RALA: variants seen among roughly 807,000 people sequenced by gnomAD.
RALA encodes the protein RAS like proto-oncogene A.
A neutral mutation model predicts 24.0 loss-of-function variants in RALA; 5 were observed. The observed-to-expected ratio is 0.21, with a 90% CI of 0.11 to 0.44. The LOEUF is 0.44. Ranked by LOEUF, RALA falls within the 20% of genes least tolerant of loss-of-function variation. The pLI is 0.99. For synonymous variants in RALA, 77 were observed against 83.8 expected (o/e 0.92, Z 0.44); for missense variants, 95 against 241.2 (o/e 0.39, Z 4.01).
intron 1 of RALA, among the ~76,000 whole-genome samples, chr7:39,669,679 G>T (rs1337547560): frequency 6.6e-6 from 1 of 152,054 alleles, no homozygotes; most frequent in African/African-American, 2.4e-5. Flanking sequence ...AACCAGGCGT[G>T]CCTGTAGTCC....
chr7:39,669,225 A>C (rs1278356310), intron 1 of RALA, among the ~76,000 whole-genome samples: 1 of 152,138 alleles, frequency 6.6e-6, no homozygotes, highest in African/African-American at 2.4e-5. Flanking sequence ...CTCTTGCTCC[A>C]TCTCTGTACT....
At chr7:39,642,259 T>C (rs148135028) in intron 1 of RALA, among the ~76,000 whole-genome samples, 59 of 152,184 alleles carry the variant, frequency 3.9e-4, no homozygotes, top group African/African-American at 1.2e-3. Context: ...GAACAGTAAA[T>C]GTGTGGGTAA....
At chr7:39,651,259 C>T (rs901616514) in intron 1 of RALA, among the ~76,000 whole-genome samples, 7 of 152,178 alleles carry the variant, frequency 4.6e-5, no homozygotes, top group South Asian at 4.1e-4. Flanking sequence ...AATGCATTTT[C>T]GACTTATGAT....
chr7:39,666,901 A>G (rs772438196), intron 1 of RALA, among the ~76,000 whole-genome samples: 1 of 152,198 alleles, frequency 6.6e-6, no homozygotes, highest in Non-Finnish European at 1.5e-5. Flanking sequence ...TGATCAATAC[A>G]TCTTCTTATA....
At chr7:39,698,691 G>A (rs989521664) in intron 4 of RALA, among the ~76,000 whole-genome samples, 2 of 152,130 alleles carry the variant, frequency 1.3e-5, no homozygotes, top group African/African-American at 4.8e-5. Flanking sequence ...AAGGGGAGTG[G>A]GGAAGAGATG....
intron 1 of RALA, among the ~76,000 whole-genome samples, chr7:39,681,357 G>A (rs1224047683): frequency 9.5e-6 from 1 of 105,510 alleles, no homozygotes; most frequent in Non-Finnish European, 1.7e-5. Flanking sequence ...TTACTCTCTA[G>A]CCCAGGCTGG....
At chr7:39,689,750 G>A (rs1312139140) in intron 2 of RALA, among the ~76,000 whole-genome samples, 2 of 152,146 alleles carry the variant, frequency 1.3e-5, no homozygotes, top group Non-Finnish European at 2.9e-5. Context: ...GGCCTTGTCT[G>A]CGTACATATA....
intron 1 of RALA, among the ~76,000 whole-genome samples, chr7:39,631,260 G>A (rs533433877): frequency 1.3e-5 from 2 of 151,902 alleles, no homozygotes; most frequent in African/African-American, 4.8e-5. Context: ...CACCTGCCTC[G>A]GCCTTCCAAA....
At chr7:39,673,118 A>T (rs1282295370) in intron 1 of RALA, among the ~76,000 whole-genome samples, 1 of 152,016 alleles carries the variant, frequency 6.6e-6, no homozygotes, top group Admixed American at 6.6e-5. Context: ...AGCTTGAGAG[A>T]CGGAGGTTGC....
At chr7:39,624,165 G>A (rs1012546647) in intron 1 of RALA, 7 of 152,604 alleles carry the variant, frequency 4.6e-5, no homozygotes, top group Non-Finnish European at 7.3e-5. Flanking sequence ...CGCGACCTGG[G>A]GCAACCCGCT....
At position 39,664,210 on chromosome 7, in the gene RALA, G is replaced by A. The variant is rs966481538; in HGVS notation, c.-37-22421G>A. On this transcript the variant is annotated intron_variant, in intron 1 of 4. Transcript: ENST00000005257. Reference sequence around the variant, plus strand: ...ACTACTATTTTGTGCAAGTGCAGTCGGGTTTATGATCAGGGCTGCCCTTAT... The same window carrying A: ...ACTACTATTTTGTGCAAGTGCAGTCAGGTTTATGATCAGGGCTGCCCTTAT... 5.3e-5 allele frequency among the ~76,000 whole-genome samples: 8 copies of A among 152,164 alleles called. 1 individual carries two copies. Among genetic ancestry groups the A allele is most frequent in the Admixed American group, 1.3e-4 (2 of 15,262 alleles).
chr7:39,655,408 A>G (rs1792080079), intron 1 of RALA, among the ~76,000 whole-genome samples: 1 of 152,228 alleles, frequency 6.6e-6, no homozygotes, highest in South Asian at 2.1e-4. Flanking sequence ...AGATCAGTGT[A>G]TGGAGGGGAG....
rs1791421253 is a variant in RALA, at chr7:39,623,766, C to T, written c.-97C>T. On this transcript the variant is annotated 5_prime_UTR_variant, in exon 1 of 5. Transcript: ENST00000005257. The surrounding 1 kb of genome is among the most constrained non-coding windows in gnomAD (Gnocchi z 4.9). ...CGACAAGGACCGAGTACCCTCCGGC[C>T]GGAGCCACGCAGCCGCGGCTTCCGG... 6.6e-6 allele frequency: 1 copy of T among 152,348 alleles called. No individual in the cohort carries two copies. The highest frequency in any genetic ancestry group is 2.4e-5 in the African/African-American group (1 of 41,438). The allele number at this position is 152,348 out of a possible 1,614,324, so 9.4% of individuals were successfully genotyped here. A position where few individuals can be genotyped will look rare whatever the true frequency, so the allele number is the denominator to read the frequency against.
intron 1 of RALA, among the ~76,000 whole-genome samples, chr7:39,681,630 T>C (rs1792605365): frequency 1.3e-5 from 2 of 152,160 alleles, no homozygotes; most frequent in South Asian, 2.1e-4. Flanking sequence ...GTGCGATTAC[T>C]AGATCTCCTG....
At chr7:39,660,722 C>A (rs544737696) in intron 1 of RALA, among the ~76,000 whole-genome samples, 43 of 152,134 alleles carry the variant, frequency 2.8e-4, no homozygotes, top group Non-Finnish European at 3.5e-4. Flanking sequence ...AATTTTTTTA[C>A]AGATTTACAA....
chr7:39,636,328 C>T (rs1287229423), intron 1 of RALA, among the ~76,000 whole-genome samples: 4 of 152,154 alleles, frequency 2.6e-5, no homozygotes, highest in African/African-American at 7.2e-5. Context: ...CCACTGGAAG[C>T]GTATGAGAGT....
intron 1 of RALA, among the ~76,000 whole-genome samples, chr7:39,662,497 A>G (rs1305464912): frequency 1.3e-5 from 2 of 152,134 alleles, no homozygotes; most frequent in East Asian, 1.9e-4. Context: ...CTTCCACCAG[A>G]TGCCCTAAAT....
At chr7:39,665,142 C>T (rs752414020) in intron 1 of RALA, among the ~76,000 whole-genome samples, 1 of 151,900 alleles carries the variant, frequency 6.6e-6, no homozygotes, top group Non-Finnish European at 1.5e-5. Context: ...CTTTTTCTGC[C>T]TCCTTTCCAC....
At chr7:39,653,240 G>T (rs1251969652) in intron 1 of RALA, among the ~76,000 whole-genome samples, 1 of 152,136 alleles carries the variant, frequency 6.6e-6, no homozygotes, top group Non-Finnish European at 1.5e-5. Flanking sequence ...ATGTTGGTCA[G>T]GCTGGTCTCA....
Sources: gnomAD v4.1 joint callset for allele counts (sites outside exome capture counted in the v4.1 genomes callset) on GRCh38, gnomAD v4.1.1 for gene constraint, Gnocchi (gnomAD v3.1) non-coding constraint, MANE v1.5 for transcripts, NCBI Gene and HGNC (gene_info 2026-07-23, HGNC 2026-07-21) for gene names.